The following STARD9 variants were observed in gnomAD, a reference collection of about 807,000 sequenced individuals.
STARD9 encodes stAR-related lipid transfer protein 9.
In STARD9, 346 loss-of-function variants were observed where a neutral mutation model predicts 399.8. The ratio of observed to expected loss-of-function variants is 0.87; its 90% CI spans 0.79 to 0.95. The LOEUF is 0.95. Ranked by LOEUF, STARD9 falls within the 40% of genes least tolerant of loss-of-function variation. The probability of loss-of-function intolerance (pLI) is 0.00; values close to 1 mark genes in which losing one functional copy is unlikely to be tolerated. For synonymous variants in STARD9, 2,203 were observed against 2,143.5 expected, an observed-to-expected ratio of 1.03 and a Z score of -0.77; for missense variants, 5,832 against 5,667.5, an observed-to-expected ratio of 1.03 and a Z score of -0.93.
intron 3 of STARD9, among the ~76,000 whole-genome samples, chr15:42,620,577 CA>C (rs1375609759): frequency 5.9e-5 from 9 of 152,072 alleles, no homozygotes; most frequent in African/African-American, 1.2e-4. Context: ...AAGATCCTTA[CA>C]GCAAAAAGAT....
chr15:42,716,695 G>A lies in STARD9; in HGVS notation c.13303G>A (p.Asp4435Asn), dbSNP rs373709957. The change falls in exon 27 of 33, where the codon GAT becomes AAT. Residue 4435 changes from aspartate (D) to asparagine (N), a missense_variant. Physicochemically the swap from Asp to Asn is conservative, Grantham distance 23. Around this residue, in one of 2 missense-constraint regions of STARD9, gnomAD observed 5,828 missense variants for 5,651.1 expected, o/e 1.03. Transcript: ENST00000290607. ...PENMGHTNLPDSRDVWIGDER... is the reference protein window; with the variant it reads ...PENMGHTNLPNSRDVWIGDER... ...TCTGCAGGGGCATACAAACTTGCCTGATTCCAGGGATGTATGGATAGGGGA... is the reference window on the plus strand; with the variant it reads ...TCTGCAGGGGCATACAAACTTGCCTAATTCCAGGGATGTATGGATAGGGGA... 3 of 1,536,456 alleles carry A rather than the reference G, an allele frequency of 2.0e-6. No homozygotes were observed. In the African/African-American group the frequency reaches 4.1e-5, roughly 21 times the overall value.
At chr15:42,717,264 C>A (rs1392218724) in intron 28 of STARD9, among the ~76,000 whole-genome samples, 1 of 152,060 alleles carries the variant, frequency 6.6e-6, no homozygotes, top group Non-Finnish European at 1.5e-5. Flanking sequence ...GTGGGAGGAT[C>A]ACTTGAGGTC....
At position 42,719,775 on chromosome 15, in the gene STARD9, G is replaced by A. The variant is rs1480174193; in HGVS notation, c.*201G>A. ...CTTGGTCACAGCTGGCACCAGTGCAGAGCAAACGGCCTGAGCTCCTGGCCC... is the reference window on the plus strand; with the variant it reads ...CTTGGTCACAGCTGGCACCAGTGCAAAGCAAACGGCCTGAGCTCCTGGCCC... On this transcript the variant is annotated 3_prime_UTR_variant, in exon 33 of 33. Transcript: ENST00000290607. 4 of 561,006 alleles carry A rather than the reference G, an allele frequency of 7.1e-6. No homozygotes were observed. Among genetic ancestry groups the A allele is most frequent in the Non-Finnish European group, 9.5e-6 (3 of 315,080 alleles). 34.8% of individuals were successfully genotyped at this position (561,006 alleles called of 1,614,324 possible).
chr15:42,659,606 A>G (rs1448739908), intron 9 of STARD9, among the ~76,000 whole-genome samples: 2 of 152,218 alleles, frequency 1.3e-5, no homozygotes, highest in African/African-American at 2.4e-5. Flanking sequence ...GGCTCACTGC[A>G]GCCTCTGCCT....
chr15:42,609,813 C>G (rs912380589), intron 3 of STARD9, among the ~76,000 whole-genome samples: 2 of 151,990 alleles, frequency 1.3e-5, no homozygotes, highest in Non-Finnish European at 2.9e-5. Context: ...TGAATAATGG[C>G]TGGGTGTGGT....
chr15:42,628,761 T>C (rs1236220270), intron 3 of STARD9, among the ~76,000 whole-genome samples: 1 of 152,104 alleles, frequency 6.6e-6, no homozygotes, highest in East Asian at 1.9e-4. Flanking sequence ...TCTTTCTGGG[T>C]TCACTGTTTT....
intron 3 of STARD9, among the ~76,000 whole-genome samples, chr15:42,611,421 C>T (rs533630312): frequency 8.5e-5 from 13 of 152,296 alleles, no homozygotes; most frequent in Non-Finnish European, 1.6e-4. Flanking sequence ...GAGACATTCT[C>T]GTTCTTGGAA....
Position 42,581,566 on chromosome 15 carries a change from G to T in STARD9, c.48-1780G>T, listed in dbSNP as rs1299719517. ...GCCGGTCTGCTCCAGCTCCTAGGGC[G>T]GGTGGAAAAGCGAGCTCTGCGCACT... On this transcript the variant is annotated intron_variant, in intron 1 of 32. Coordinates refer to ENST00000290607, the MANE Select transcript of STARD9 (RefSeq NM_020759.3). 3 of 995,128 alleles carry T rather than the reference G, an allele frequency of 3.0e-6. No homozygotes were observed. The African/African-American group carries it at 4.9e-5, about 16-fold the overall frequency. 61.6% of individuals were successfully genotyped at this position (995,128 alleles called of 1,614,324 possible).
chr15:42,586,804 T>A (rs185766069), intron 3 of STARD9, among the ~76,000 whole-genome samples: 148 of 152,254 alleles, frequency 9.7e-4, no homozygotes, highest in African/African-American at 3.4e-3. Flanking sequence ...AAAGTCAAAC[T>A]ATGTTTTCTG....
chr15:42,691,864 C>T lies in STARD9; in HGVS notation c.10286C>T (p.Thr3429Ile). Residue 3429 changes from threonine to isoleucine, a missense_variant, in exon 23 of 33, where the codon ACT (threonine) becomes ATT (isoleucine). This residue lies in a region of STARD9 where 5,828 missense variants were observed against 5,651.1 expected (regional missense o/e 1.03). Coordinates refer to ENST00000290607, the MANE Select transcript of STARD9 (RefSeq NM_020759.3). ...TTCACGACCAGCTGGATGTCTGGTACTTTGGAACAAGCCCAACAGGGAAAG... is the reference window on the plus strand; with the variant it reads ...TTCACGACCAGCTGGATGTCTGGTATTTTGGAACAAGCCCAACAGGGAAAG... ...PDFTTSWMSG[T>I]LEQAQQGKRE... The T allele has an allele frequency of 6.5e-7, 1 of 1,537,294 alleles. No homozygotes were observed. Among genetic ancestry groups the T allele is most frequent in the Non-Finnish European group, 8.7e-7 (1 of 1,146,924 alleles).
At chr15:42,695,993 C>T (rs1253524210) in intron 26 of STARD9, 113 bp downstream of exon 26, 4 of 1,119,334 alleles carry the variant, frequency 3.6e-6, no homozygotes, top group Non-Finnish European at 4.9e-6. Context: ...TCCTGGAGGC[C>T]ACTGCTGACA....
At chr15:42,640,055 A>G (rs2059503425) in intron 7 of STARD9, among the ~76,000 whole-genome samples, 1 of 152,130 alleles carries the variant, frequency 6.6e-6, no homozygotes, top group Non-Finnish European at 1.5e-5. Flanking sequence ...CCAGGTAGCT[A>G]GGGCTACAGG....
At chr15:42,694,418 T>C (rs1321008958) in intron 23 of STARD9, 76 bp downstream of exon 23, 25 of 1,528,818 alleles carry the variant, frequency 1.6e-5, no homozygotes, top group Non-Finnish European at 6.1e-6. Flanking sequence ...AGCTAATAGC[T>C]TGCTGTTTCC....
At chr15:42,674,198 G>T (rs1189045569) in intron 16 of STARD9, among the ~76,000 whole-genome samples, 2 of 152,232 alleles carry the variant, frequency 1.3e-5, no homozygotes, top group East Asian at 3.8e-4. Context: ...AGCTTGGGCT[G>T]CTTTGTGGTA....
intron 7 of STARD9, among the ~76,000 whole-genome samples, chr15:42,643,011 C>T (rs2059571523): frequency 6.6e-6 from 1 of 151,300 alleles, no homozygotes; most frequent in Non-Finnish European, 1.5e-5. Flanking sequence ...GCTATGTTGC[C>T]CAGGTTAGAA....
chr15:42,581,227 G>A (rs2141651510), intron 1 of STARD9: 1 of 794,968 alleles, frequency 1.3e-6, no homozygotes, highest in Admixed American at 1.7e-5. Context: ...GGAGTCTTCA[G>A]TTAAGGTGCC....
intron 3 of STARD9, among the ~76,000 whole-genome samples, chr15:42,602,127 A>G (rs1294679554): frequency 6.6e-6 from 1 of 152,226 alleles, no homozygotes; most frequent in Non-Finnish European, 1.5e-5. Flanking sequence ...TACAGGCATT[A>G]GCTGCTGCAC....
rs1167003368 is a variant in STARD9 at position 42,689,195 on chromosome 15, G to A, written c.7617G>A (p.Leu2539=). 1 of 1,537,136 alleles carries A rather than the reference G, an allele frequency of 6.5e-7. No homozygotes were observed. The highest frequency in any genetic ancestry group is 1.4e-5 in the African/African-American group (1 of 73,038). The change falls in exon 23 of 33, where the codon TTG becomes TTA. Residue 2539 remains leucine, a synonymous_variant. Coordinates refer to ENST00000290607, the MANE Select transcript of STARD9 (RefSeq NM_020759.3). ...PRVPSPEPRL[L]EPSDHASMCL... is the part of the protein sequence containing the mutation. ...TGCCCAGTCCAGAGCCTAGGCTGTT[G>A]GAGCCCTCTGACCATGCATCCATGT...
chr15:42,706,024 A>T (rs1853241029), intron 26 of STARD9, among the ~76,000 whole-genome samples: 1 of 152,172 alleles, frequency 6.6e-6, no homozygotes, highest in Non-Finnish European at 1.5e-5. Flanking sequence ...AAGTGCTGGG[A>T]TTACAGGCGT....
Sources: allele counts gnomAD v4.1 joint callset (sites outside exome capture counted in the v4.1 genomes callset), GRCh38; gene constraint gnomAD v4.1.1; regional missense constraint gnomAD v4.1.1; transcripts MANE v1.5; gene names NCBI Gene and HGNC (gene_info 2026-07-23, HGNC 2026-07-21).